Variants in SYNPR observed in about 807,000 individuals in gnomAD.
The protein encoded by SYNPR is synaptoporin.
In SYNPR, 23 loss-of-function variants were observed where a neutral mutation model predicts 32.9. The observed-to-expected ratio is 0.70, with a 90% CI of 0.50 to 0.99. The LOEUF (loss-of-function observed/expected upper bound fraction) is 0.99, where lower values mean the gene tolerates loss of function less well. SYNPR is among the 50% of genes least tolerant of loss of function. The pLI is 0.00. For missense variants in SYNPR, 318 were observed against 349.3 expected (o/e 0.91, Z 0.71); for synonymous variants, 146 against 135.9 (o/e 1.07, Z -0.52).
At chr3:63,614,556 T>A (rs536015429) in intron 5 of SYNPR, among the ~76,000 whole-genome samples, 1 of 152,360 alleles carries the variant, frequency 6.6e-6, no homozygotes, top group East Asian at 1.9e-4. Flanking sequence ...CACTTATCCC[T>A]GTGAGAGGCA....
At chr3:63,563,680 A>C (rs1373629327) in intron 4 of SYNPR, among the ~76,000 whole-genome samples, 2 of 152,118 alleles carry the variant, frequency 1.3e-5, no homozygotes, top group Non-Finnish European at 2.9e-5. Context: ...CAGGCCAAGA[A>C]ACATGTATTT....
At chr3:63,523,327 T>A (rs1224735305) in intron 3 of SYNPR, among the ~76,000 whole-genome samples, 1 of 152,088 alleles carries the variant, frequency 6.6e-6, no homozygotes, top group Non-Finnish European at 1.5e-5. Flanking sequence ...GGCTTCCTGT[T>A]GTCTTTGGCT....
intron 3 of SYNPR, among the ~76,000 whole-genome samples, chr3:63,490,994 C>T (rs752330661): frequency 6.6e-6 from 1 of 152,034 alleles, no homozygotes; most frequent in South Asian, 2.1e-4. Flanking sequence ...GAACTCCTGA[C>T]CTCAGGTGAT....
At chr3:63,247,578 T>C (rs547302231) in intron 1 of SYNPR, among the ~76,000 whole-genome samples, 1 of 152,106 alleles carries the variant, frequency 6.6e-6, no homozygotes, top group Non-Finnish European at 1.5e-5. Flanking sequence ...CCAGTGTATG[T>C]ATACCTGAGA....
chr3:63,298,835 T>C (rs1169592093), intron 2 of SYNPR, among the ~76,000 whole-genome samples: 3 of 152,158 alleles, frequency 2.0e-5, no homozygotes, highest in Non-Finnish European at 4.4e-5. Context: ...TTAATCCCAT[T>C]GGGGACTCTG....
At chr3:63,464,822 T>C (rs1700648706) in intron 2 of SYNPR, among the ~76,000 whole-genome samples, 1 of 152,218 alleles carries the variant, frequency 6.6e-6, no homozygotes, top group African/African-American at 2.4e-5. Flanking sequence ...ATTTTAACCT[T>C]GCTAGATGTG....
At chr3:63,428,485 G>A (rs1436896570) in intron 2 of SYNPR, among the ~76,000 whole-genome samples, 1 of 152,220 alleles carries the variant, frequency 6.6e-6, no homozygotes, top group East Asian at 1.9e-4. Context: ...TCAACTCTAT[G>A]TATGCATGTT....
chr3:63,556,252 G>T (rs924842651), intron 3 of SYNPR, among the ~76,000 whole-genome samples: 1 of 152,120 alleles, frequency 6.6e-6, no homozygotes, highest in African/African-American at 2.4e-5. Flanking sequence ...TTCAGCAGGG[G>T]GATGTCGTTG....
chr3:63,205,565 C>A, the SYNPR span, among the ~76,000 whole-genome samples: 1 of 152,238 alleles, frequency 6.6e-6, no homozygotes, highest in African/African-American at 2.4e-5. Flanking sequence ...TCTCGCCAAA[C>A]AATGAAATCA....
At chr3:63,246,430 C>T (rs181294634) in intron 1 of SYNPR, among the ~76,000 whole-genome samples, 58 of 152,172 alleles carry the variant, frequency 3.8e-4, no homozygotes, top group African/African-American at 1.4e-3. Flanking sequence ...ACTCTTCTGG[C>T]ACTGGAGGTG....
At chr3:63,491,774 G>A (rs2106717301) in intron 3 of SYNPR, among the ~76,000 whole-genome samples, 1 of 152,138 alleles carries the variant, frequency 6.6e-6, no homozygotes, top group South Asian at 2.1e-4. Context: ...GCCTCCCTCG[G>A]CCTCCCGAAG....
intron 2 of SYNPR, among the ~76,000 whole-genome samples, chr3:63,331,796 A>G (rs986758684): frequency 6.6e-6 from 1 of 152,186 alleles, no homozygotes; most frequent in African/African-American, 2.4e-5. Flanking sequence ...GTCACACAGA[A>G]TTGGACCGTG....
chr3:63,393,489 T>TC (rs1210998700), intron 2 of SYNPR, among the ~76,000 whole-genome samples: 2,820 of 132,032 alleles, frequency 0.021, 111 homozygotes, highest in African/African-American at 0.072. Flanking sequence ...CCTTCTTTCT[T>TC]TCTTCTCTTT....
intron 2 of SYNPR, among the ~76,000 whole-genome samples, chr3:63,286,087 T>A (rs1189242301): frequency 6.6e-6 from 1 of 152,186 alleles, no homozygotes; most frequent in Non-Finnish European, 1.5e-5. Flanking sequence ...TGCTCATACC[T>A]CTTTTTAGCC....
intron 3 of SYNPR, among the ~76,000 whole-genome samples, chr3:63,530,292 G>C (rs993579345): frequency 6.6e-6 from 1 of 152,146 alleles, no homozygotes; most frequent in Non-Finnish European, 1.5e-5. Flanking sequence ...ACCTAACCTG[G>C]CAGTCATGGC....
At chr3:63,455,861 CTCCAATATCAAGGCCCTTCTTTTCT>C (rs1179147180) in intron 2 of SYNPR, among the ~76,000 whole-genome samples, 1 of 151,462 alleles carries the variant, frequency 6.6e-6, no homozygotes, top group African/African-American at 2.4e-5. Context: ...CAAAGCAGAC[CTCCAATATCAAGGCCCTTCTTTTCT>C]TCCTATATTA....
intron 2 of SYNPR, among the ~76,000 whole-genome samples, chr3:63,376,185 T>TA (rs1230306253): frequency 6.6e-6 from 1 of 152,218 alleles, no homozygotes; most frequent in Non-Finnish European, 1.5e-5. Flanking sequence ...AGGTTCCTGC[T>TA]ACAATCTTCT....
intron 2 of SYNPR, among the ~76,000 whole-genome samples, chr3:63,398,787 A>T (rs1484212567): frequency 1.3e-5 from 2 of 152,184 alleles, no homozygotes; most frequent in East Asian, 3.9e-4. Flanking sequence ...ACAGTAACTA[A>T]ATGGTGGGAG....
Position 63,418,564 on chromosome 3 carries a change from T to C in SYNPR, c.85-62268T>C, listed in dbSNP as rs140786458. Among the ~76,000 whole-genome samples, 1,431 of 152,252 alleles carry C rather than the reference T, an allele frequency of 9.4e-3. 24 individuals carry two copies. The highest frequency in any genetic ancestry group is 0.032 in the African/African-American group (1,347 of 41,514). Reference sequence around the variant, plus strand: ...TAAAGACATACCCAAGACTGGGTAATTTATGAAGAAAAAGAGGTTTAATGG... The same window carrying C: ...TAAAGACATACCCAAGACTGGGTAACTTATGAAGAAAAAGAGGTTTAATGG... On this transcript the variant is annotated intron_variant, in intron 2 of 5. Transcript: ENST00000478300.
Sources: gnomAD v4.1 joint callset for allele counts (sites outside exome capture counted in the v4.1 genomes callset) on GRCh38, gnomAD v4.1.1 for gene constraint, MANE v1.5 for transcripts, NCBI Gene and HGNC (gene_info 2026-07-23, HGNC 2026-07-21) for gene names.